Variants in SLC22A3 observed in about 807,000 individuals in gnomAD.
SLC22A3 encodes solute carrier family 22 member 3, also known as EMT organic cation transporter 3.
A neutral mutation model predicts 59.1 loss-of-function variants in SLC22A3; 51 were observed. The ratio of observed to expected loss-of-function variants is 0.86; its 90% CI spans 0.69 to 1.09. The LOEUF is 1.09. Ranked by LOEUF, SLC22A3 falls within the 50% of genes least tolerant of loss-of-function variation. SLC22A3 has a pLI of 0.00. For synonymous variants in SLC22A3, 325 were observed against 292.0 expected (o/e 1.11, Z -1.15); for missense variants, 711 against 726.3 (o/e 0.98, Z 0.24).
rs1264985982 is a variant in SLC22A3, at chr6:160,391,197, G to T, written c.430-6782G>T. ...CATAAAATGTAGGGTGTTGAGGGAGGGGGGAAGCCAGTCCTATAAAATACG... is the reference window on the plus strand; with the variant it reads ...CATAAAATGTAGGGTGTTGAGGGAGTGGGGAAGCCAGTCCTATAAAATACG... On this transcript the variant is annotated intron_variant, in intron 1 of 10. Transcript: ENST00000275300. Among the ~76,000 whole-genome samples, 3 of 152,188 alleles carry T rather than the reference G, an allele frequency of 2.0e-5. No homozygotes were observed. The East Asian group carries it at 5.8e-4, about 29-fold the overall frequency.
chr6:160,359,633 A>T (rs1401127486), intron 1 of SLC22A3, among the ~76,000 whole-genome samples: 1 of 152,220 alleles, frequency 6.6e-6, no homozygotes, highest in Admixed American at 6.5e-5. Flanking sequence ...ATCAAACAGG[A>T]TATTTTATGA....
At chr6:160,418,058 G>A (rs1308526447) in intron 5 of SLC22A3, among the ~76,000 whole-genome samples, 1 of 152,192 alleles carries the variant, frequency 6.6e-6, no homozygotes, top group Admixed American at 6.5e-5. Flanking sequence ...ATTGAAGGAT[G>A]CCTAGATAGC....
intron 10 of SLC22A3, among the ~76,000 whole-genome samples, chr6:160,448,515 GGATA>G (rs961691686): frequency 7.2e-5 from 11 of 152,140 alleles, no homozygotes; most frequent in African/African-American, 1.2e-4. Flanking sequence ...ATAGATAGGT[GGATA>G]GATAAATAGA....
chr6:160,445,789 C>A (rs1788716219), intron 9 of SLC22A3, among the ~76,000 whole-genome samples: 1 of 152,186 alleles, frequency 6.6e-6, no homozygotes, highest in South Asian at 2.1e-4. Flanking sequence ...GTGGCACAGG[C>A]ACTGTAGCAG....
chr6:160,430,913 T>C (rs1788128706), intron 5 of SLC22A3, among the ~76,000 whole-genome samples: 2 of 152,272 alleles, frequency 1.3e-5, no homozygotes, highest in South Asian at 4.1e-4. Flanking sequence ...AAAGCAGATC[T>C]GGGTTTCCAG....
chr6:160,442,657 G>C, intron 7 of SLC22A3, 104 bp from the exon 8 acceptor site: 1 of 829,000 alleles, frequency 1.2e-6, no homozygotes, highest in Admixed American at 1.9e-5. Flanking sequence ...AATTGGCAAA[G>C]ACTTCAGACT....
intron 1 of SLC22A3, among the ~76,000 whole-genome samples, chr6:160,354,923 A>C (rs2114738522): frequency 6.6e-6 from 1 of 152,240 alleles, no homozygotes; most frequent in East Asian, 1.9e-4. Flanking sequence ...CTGGTCAGTG[A>C]TGTTGGGGAA....
chr6:160,348,740 T>C lies in SLC22A3; in HGVS notation c.321T>C (p.Ala107=). The change falls in exon 1 of 11, where the codon GCT becomes GCC. Residue 107 remains alanine (A), a synonymous_variant. Coordinates refer to ENST00000275300, the MANE Select transcript of SLC22A3 (RefSeq NM_021977.4). ...ACGACAGCGCCTCCGCCACTAGCGC[T>C]CTCAGCTGCGCGGACCCACTCGCCG... is the stretch of plus-strand genomic sequence containing the variant. The part of the protein sequence containing the change: ...AANDSASATS[A]LSCADPLAAF... The C allele has an allele frequency of 6.5e-7, 1 of 1,534,454 alleles. No homozygotes were observed. Among genetic ancestry groups the C allele is most frequent in the Non-Finnish European group, 8.7e-7 (1 of 1,146,554 alleles).
chr6:160,364,267 G>A (rs531344702), intron 1 of SLC22A3, among the ~76,000 whole-genome samples: 17 of 152,310 alleles, frequency 1.1e-4, no homozygotes, highest in African/African-American at 3.6e-4. Context: ...TGGGTTGTTG[G>A]AAGGTAAAGA....
chr6:160,444,519 A>T (rs1379969555), intron 9 of SLC22A3, among the ~76,000 whole-genome samples: 1 of 152,112 alleles, frequency 6.6e-6, no homozygotes, highest in Non-Finnish European at 1.5e-5. Flanking sequence ...CACCTCCTCC[A>T]GGTCCCTCGA....
intron 2 of SLC22A3, among the ~76,000 whole-genome samples, chr6:160,400,806 T>C (rs565439039): frequency 1.3e-5 from 2 of 151,400 alleles, no homozygotes; most frequent in South Asian, 4.2e-4. Flanking sequence ...GCAAGAACAG[T>C]TGGGCTATGT....
At chr6:160,413,826 T>C (rs1048067147) in intron 5 of SLC22A3, among the ~76,000 whole-genome samples, 1 of 152,250 alleles carries the variant, frequency 6.6e-6, no homozygotes, top group Non-Finnish European at 1.5e-5. Flanking sequence ...AGTGTTCCAC[T>C]TCCCTGATTG....
At chr6:160,438,558 T>C (rs1330002150) in intron 7 of SLC22A3, among the ~76,000 whole-genome samples, 1 of 149,716 alleles carries the variant, frequency 6.7e-6, no homozygotes, top group Non-Finnish European at 1.5e-5. Context: ...TGAATAAAAT[T>C]ACAGGAATGC....
intron 2 of SLC22A3, among the ~76,000 whole-genome samples, chr6:160,401,596 A>G (rs1320027889): frequency 1.3e-5 from 2 of 151,968 alleles, no homozygotes; most frequent in African/African-American, 2.4e-5. Context: ...CATAAAGGAA[A>G]GGCATTGGAG....
intron 1 of SLC22A3, among the ~76,000 whole-genome samples, chr6:160,368,610 A>G (rs550895334): frequency 3.3e-5 from 5 of 150,592 alleles, no homozygotes; most frequent in African/African-American, 1.2e-4. Context: ...CTCACCTTCC[A>G]CTCACTCCTC....
chr6:160,410,385 A>C lies in SLC22A3; in HGVS notation c.858-344A>C, dbSNP rs1054875481. ...CTAATTTAATTTTAATATATGGGCA[A>C]GTCAGTTTACATAAATCAGATTCCT... is the stretch of plus-strand genomic sequence containing the variant. On this transcript the variant is annotated intron_variant, in intron 4 of 10. Coordinates refer to ENST00000275300, the MANE Select transcript of SLC22A3 (RefSeq NM_021977.4). Among the ~76,000 whole-genome samples the C allele has an allele frequency of 2.0e-5, 3 of 152,246 alleles. No individual in the cohort carries two copies. In the South Asian group the frequency reaches 6.2e-4, roughly 32 times the overall value.
chr6:160,416,181 C>T (rs2114871857), intron 5 of SLC22A3, among the ~76,000 whole-genome samples: 1 of 152,244 alleles, frequency 6.6e-6, no homozygotes, highest in South Asian at 2.1e-4. Context: ...ATAGCTAGCA[C>T]TAGCAGGGAG....
Position 160,437,058 on chromosome 6 carries a change from C to T in SLC22A3, c.1135C>T (p.Leu379Phe). 6.2e-7 allele frequency: 1 copy of T among 1,614,126 alleles called. No individual in the cohort carries two copies. Among genetic ancestry groups the T allele is most frequent in the East Asian group, 2.2e-5 (1 of 44,882 alleles). ...VMRLGIIGGN[L>F]YIDFFISGVV... ...GCGCCTGGGAATTATAGGGGGCAAC[C>T]TCTATATAGACTTTTTCATCTCGGG... The change falls in exon 7 of 11, where the codon CTC becomes TTC. Residue 379 changes from leucine (L) to phenylalanine (F), a missense_variant. Transcript: ENST00000275300.
chr6:160,398,122 A>G (rs376204603), intron 2 of SLC22A3, 40 bp downstream of exon 2: 2 of 1,367,182 alleles, frequency 1.5e-6, no homozygotes, highest in East Asian at 2.3e-5. Flanking sequence ...TCACTATAAT[A>G]CCATGCATTA....
Sources: allele counts gnomAD v4.1 joint callset (sites outside exome capture counted in the v4.1 genomes callset), GRCh38; gene constraint gnomAD v4.1.1; transcripts MANE v1.5; gene names NCBI Gene and HGNC (gene_info 2026-07-23, HGNC 2026-07-21).